Variants in ZKSCAN5 observed in about 807,000 individuals in gnomAD.
ZKSCAN5 encodes the protein zinc finger protein with KRAB and SCAN domains 5.
Under a neutral mutation model 60.0 loss-of-function variants are expected in ZKSCAN5, and 28 were observed. The observed-to-expected ratio is 0.47, with a 90% CI of 0.35 to 0.64. The LOEUF (loss-of-function observed/expected upper bound fraction) is 0.64. Ranked by LOEUF, ZKSCAN5 falls within the 30% of genes least tolerant of loss-of-function variation. The pLI, the probability that ZKSCAN5 is intolerant of heterozygous loss-of-function variation, is 0.01. For missense variants in ZKSCAN5, 881 were observed against 1,034.6 expected, an observed-to-expected ratio of 0.85 and a Z score of 2.04; for synonymous variants, 361 against 371.2, an observed-to-expected ratio of 0.97 and a Z score of 0.31.
At chr7:99,514,457 A>C (rs1249809256) in intron 3 of ZKSCAN5, among the ~76,000 whole-genome samples, 1 of 152,222 alleles carries the variant, frequency 6.6e-6, no homozygotes, top group African/African-American at 2.4e-5. Flanking sequence ...TGTTCAATGA[A>C]AGCTAAACAA....
intron 6 of ZKSCAN5, among the ~76,000 whole-genome samples, chr7:99,530,298 G>A (rs557067507): frequency 6.6e-6 from 1 of 152,176 alleles, no homozygotes; most frequent in African/African-American, 2.4e-5. Flanking sequence ...GCCTCCCATA[G>A]TGCTGGGATT....
In ZKSCAN5 at chr7:99,523,455, T is replaced by C. The variant is rs139361797; in HGVS notation, c.773-2358T>C. 3.2e-3 allele frequency among the ~76,000 whole-genome samples: 482 copies of C among 152,164 alleles called. 1 individual carries two copies. The highest frequency in any genetic ancestry group is 0.02 in the Middle Eastern group (6 of 294). ...TGGGCAACATAGTGAGACAAACCCTTACAAAATATACAAAAATTAGCTAGG... is the reference window on the plus strand; with the variant it reads ...TGGGCAACATAGTGAGACAAACCCTCACAAAATATACAAAAATTAGCTAGG... On this transcript the variant is annotated intron_variant, in intron 5 of 6. Coordinates refer to ENST00000326775, the MANE Select transcript of ZKSCAN5 (RefSeq NM_145102.4).
chr7:99,504,810 A>T (rs1336318607), intron 1 of ZKSCAN5, 77 bp downstream of exon 1: 1 of 152,298 alleles, frequency 6.6e-6, no homozygotes, highest in Non-Finnish European at 1.5e-5. Context: ...CAAATTCAAC[A>T]TAAGCGAGGT....
At chr7:99,517,987 G>A (rs1801340722) in intron 3 of ZKSCAN5, among the ~76,000 whole-genome samples, 1 of 152,172 alleles carries the variant, frequency 6.6e-6, no homozygotes, top group Admixed American at 6.5e-5. Context: ...CCTGAGATGG[G>A]CAGAGAGAGA....
chr7:99,516,257 T>A (rs1801262341), intron 3 of ZKSCAN5, among the ~76,000 whole-genome samples: 1 of 152,212 alleles, frequency 6.6e-6, no homozygotes, highest in East Asian at 1.9e-4. Context: ...TCTTGTCCTC[T>A]GTTTCTAGCT....
chr7:99,526,449 A>G (rs750202075), intron 6 of ZKSCAN5, 31 bp downstream of exon 6: 2 of 1,574,384 alleles, frequency 1.3e-6, no homozygotes, highest in Admixed American at 3.5e-5. Flanking sequence ...TCCGGGGGAT[A>G]AATGGAGGCG....
chr7:99,515,061 A>G (rs1323446835), intron 3 of ZKSCAN5, among the ~76,000 whole-genome samples: 1 of 152,108 alleles, frequency 6.6e-6, no homozygotes, highest in Non-Finnish European at 1.5e-5. Flanking sequence ...CTTGGGAGCC[A>G]GACTGAGACT....
chr7:99,508,031 A>T (rs900659326), intron 2 of ZKSCAN5, among the ~76,000 whole-genome samples: 6 of 151,984 alleles, frequency 3.9e-5, no homozygotes, highest in Non-Finnish European at 7.4e-5. Flanking sequence ...CGGGCACGGT[A>T]GCTCATGCCT....
In ZKSCAN5 at chr7:99,525,979, C is replaced by T. The variant is rs1191149777; in HGVS notation, c.939C>T (p.Pro313=). The T allele has an allele frequency of 1.2e-6, 2 of 1,614,058 alleles. No homozygotes were observed. The highest frequency in any genetic ancestry group is 1.7e-6 in the Non-Finnish European group (2 of 1,180,026). The change falls in exon 6 of 7, where the codon CCC becomes CCT. Residue 313 remains proline, a synonymous_variant. Coordinates refer to ENST00000326775, the MANE Select transcript of ZKSCAN5 (RefSeq NM_145102.4). The part of the protein sequence containing the change: ...KGMVQRWQVN[P]TVGKSRQNPS... The stretch of plus-strand genomic sequence containing the variant: ...TGGTACAAAGGTGGCAGGTCAACCC[C>T]ACTGTGGGGAAATCAAGGCAGAATC...
At chr7:99,513,735 CA>C (rs1261325632) in intron 3 of ZKSCAN5, 12 of 354,498 alleles carry the variant, frequency 3.4e-5, no homozygotes, top group South Asian at 8.1e-5. Flanking sequence ...GTTAAAAAAA[CA>C]AAAAAACAAG....
Position 99,533,923 on chromosome 7 carries a change from T to A in ZKSCAN5, c.*1674T>A, listed in dbSNP as rs1802157500. The A allele has an allele frequency of 3.5e-6, 1 of 284,074 alleles. No individual in the cohort carries two copies. The highest frequency in any genetic ancestry group is 6.5e-6 in the Non-Finnish European group (1 of 153,996). 17.6% of individuals were successfully genotyped at this position (284,074 alleles called of 1,614,324 possible). ...AGGAAGCTGCTGTGAGAGTGGATTGTGGAGTTGGTCACTCGCCAGGAGGGA... is the reference window on the plus strand; with the variant it reads ...AGGAAGCTGCTGTGAGAGTGGATTGAGGAGTTGGTCACTCGCCAGGAGGGA... On this transcript the variant is annotated 3_prime_UTR_variant, in exon 7 of 7. Coordinates refer to ENST00000326775, the MANE Select transcript of ZKSCAN5 (RefSeq NM_145102.4).
At chr7:99,508,497 T>G (rs1229110519) in intron 2 of ZKSCAN5, among the ~76,000 whole-genome samples, 1 of 152,028 alleles carries the variant, frequency 6.6e-6, no homozygotes, top group Non-Finnish European at 1.5e-5. Context: ...CTCACGCCTG[T>G]AATCCCAGCA....
Position 99,532,283 on chromosome 7 carries a change from G to A in ZKSCAN5, c.*34G>A, listed in dbSNP as rs183000277. The stretch of plus-strand genomic sequence containing the variant: ...TTAATTTTAGAGAAACCTTCCTGGA[G>A]GGAAACCATACTCCTATAATGAGCA... On this transcript the variant is annotated 3_prime_UTR_variant, in exon 7 of 7. Coordinates refer to ENST00000326775, the MANE Select transcript of ZKSCAN5 (RefSeq NM_145102.4). 35 of 1,522,868 alleles carry A rather than the reference G, an allele frequency of 2.3e-5. No individual in the cohort carries two copies. The highest frequency in any genetic ancestry group is 3.0e-5 in the Non-Finnish European group (34 of 1,141,166). The allele number at this position is 1,522,868 out of a possible 1,614,324, so 94.3% of individuals were successfully genotyped here.
Position 99,532,235 on chromosome 7 carries a change from G to A in ZKSCAN5, c.2506G>A (p.Gly836Arg). 3 of 1,582,308 alleles carry A rather than the reference G, an allele frequency of 1.9e-6. No homozygotes were observed. Among genetic ancestry groups the A allele is most frequent in the Non-Finnish European group, 2.6e-6 (3 of 1,168,850 alleles). Residue 836 changes from glycine to arginine, a missense_variant, in exon 7 of 7, where the codon GGG (glycine) becomes AGG (arginine). By Grantham distance (125) the Gly-to-Arg change is moderately radical. Coordinates refer to ENST00000326775, the MANE Select transcript of ZKSCAN5 (RefSeq NM_145102.4). Reference protein sequence around the residue: ...TDPINTLSVEGSLL With the variant: ...TDPINTLSVERSLL The stretch of plus-strand genomic sequence containing the variant: ...TCCCATAAATACCTTAAGTGTAGAG[G>A]GGTCTCTGTTGTAGAATAGCTCTTA...
At chr7:99,513,773 A>G (rs1246132642) in intron 3 of ZKSCAN5, 3 of 332,636 alleles carry the variant, frequency 9.0e-6, no homozygotes, top group Non-Finnish European at 1.9e-5. Flanking sequence ...CACACTTGTA[A>G]TCCCTGCACT....
chr7:99,516,060 C>T (rs1801253645), intron 3 of ZKSCAN5, among the ~76,000 whole-genome samples: 2 of 151,974 alleles, frequency 1.3e-5, no homozygotes, highest in Admixed American at 1.3e-4. Context: ...TGACTGCAAC[C>T]TCTGCCTCCC....
At chr7:99,528,119 C>CTT (rs869150553) in intron 6 of ZKSCAN5, among the ~76,000 whole-genome samples, 13 of 121,244 alleles carry the variant, frequency 1.1e-4, no homozygotes, top group African/African-American at 3.3e-4. Context: ...AAATGTTTTT[C>CTT]TTTTTTTTTT....
chr7:99,528,656 G>T (rs1050974842), intron 6 of ZKSCAN5, among the ~76,000 whole-genome samples: 1 of 152,078 alleles, frequency 6.6e-6, no homozygotes, highest in Non-Finnish European at 1.5e-5. Flanking sequence ...TGAACTTCTA[G>T]GCTTAAGCGA....
chr7:99,523,428 C>T, intron 5 of ZKSCAN5, among the ~76,000 whole-genome samples: 1 of 152,100 alleles, frequency 6.6e-6, no homozygotes, highest in East Asian at 1.9e-4. Context: ...TCGAGACCAG[C>T]CTGGGCAACA....
Sources: gnomAD v4.1 joint callset for allele counts (sites outside exome capture counted in the v4.1 genomes callset) on GRCh38, gnomAD v4.1.1 for gene constraint, MANE v1.5 for transcripts, NCBI Gene and HGNC (gene_info 2026-07-23, HGNC 2026-07-21) for gene names.